XKR9: variants seen among roughly 807,000 people sequenced by gnomAD.
The protein encoded by XKR9 is XK related 9, also known as XK-related protein 9.
Under a neutral mutation model 32.0 loss-of-function variants are expected in XKR9, and 32 were observed. That is an observed-to-expected ratio of 1.00 (90% CI 0.76 to 1.34). The LOEUF is 1.34. Among genes scored for constraint, XKR9 ranks in the 40% most tolerant of loss-of-function variants. XKR9 has a pLI of 0.00. For missense variants in XKR9, 546 were observed against 429.7 expected (o/e 1.27, Z -2.39); for synonymous variants, 168 against 143.4 (o/e 1.17, Z -1.22).
At chr8:70,985,855 G>A in the XKR9 span, among the ~76,000 whole-genome samples, 331 of 152,022 alleles carry the variant, frequency 2.2e-3, 3 homozygotes, top group African/African-American at 7.8e-3. Context: ...AAAAATAATG[G>A]AAGTAATCTA....
chr8:71,034,231 C>G, the XKR9 span, among the ~76,000 whole-genome samples: 3 of 151,932 alleles, frequency 2.0e-5, no homozygotes, highest in Non-Finnish European at 2.9e-5. Context: ...TGGGGGTGGT[C>G]CCCCCATGCT....
At chr8:70,753,601 C>T (rs1393872979) in intron 2 of XKR9, among the ~76,000 whole-genome samples, 1 of 151,994 alleles carries the variant, frequency 6.6e-6, no homozygotes, top group African/African-American at 2.4e-5. Context: ...GGATGCAAGG[C>T]TGGTTCAATA....
chr8:70,695,122 G>GT (rs1287750856), intron 3 of XKR9, among the ~76,000 whole-genome samples: 6 of 97,864 alleles, frequency 6.1e-5, no homozygotes, highest in African/African-American at 2.0e-4. Flanking sequence ...GTCCTGCCTT[G>GT]TTTTTCTTTT....
At position 70,734,384 on chromosome 8, in the gene XKR9, T is replaced by C; in HGVS notation, c.1082T>C (p.Val361Ala). ...TGTGATGAAATTGATGGAAAACCAG[T>C]TCTAAGAGAATGTAGAATGAGATAT... Reference protein sequence around the residue: ...TKCDEIDGKPVLRECRMRYFL... With the variant: ...TKCDEIDGKPALRECRMRYFL... The change falls in exon 5 of 5, where the codon GTT (valine) becomes GCT (alanine). Residue 361 changes from valine (V) to alanine (A), a missense_variant. Coordinates refer to ENST00000408926, the MANE Select transcript of XKR9 (RefSeq NM_001011720.2). 6.2e-7 allele frequency: 1 copy of C among 1,605,432 alleles called. No homozygotes were observed.
At chr8:71,000,932 G>A in the XKR9 span, among the ~76,000 whole-genome samples, 1 of 152,218 alleles carries the variant, frequency 6.6e-6, no homozygotes, top group African/African-American at 2.4e-5. Flanking sequence ...ACAAGAGTTA[G>A]CATAGAAAGA....
chr8:70,916,436 C>G, the XKR9 span, among the ~76,000 whole-genome samples: 4 of 152,080 alleles, frequency 2.6e-5, no homozygotes, highest in African/African-American at 7.2e-5. Context: ...GGATCTGTTT[C>G]TCTCTTCTCT....
chr8:70,734,166 T>C lies in XKR9; in HGVS notation c.864T>C (p.Ser288=), dbSNP rs753599654. The C allele has an allele frequency of 6.2e-7, 1 of 1,613,176 alleles. No individual in the cohort carries two copies. Among genetic ancestry groups the C allele is most frequent in the South Asian group, 1.1e-5 (1 of 91,028 alleles). Reference sequence around the variant, plus strand: ...GACAGAATACCAAGTGTCCAATGTCTTGTTATTATATTGTTAGGGTACTGG... The same window carrying C: ...GACAGAATACCAAGTGTCCAATGTCCTGTTATTATATTGTTAGGGTACTGG... ...IKGQNTKCPM[S]CYYIVRVLGT... Residue 288 remains serine, a synonymous_variant, in exon 5 of 5, where the codon TCT becomes TCC. Transcript: ENST00000408926.
chr8:70,902,209 TG>T, the XKR9 span, among the ~76,000 whole-genome samples: 1 of 152,236 alleles, frequency 6.6e-6, no homozygotes, highest in African/African-American at 2.4e-5. Flanking sequence ...GGTATCTTGA[TG>T]GGGATGGCAT....
the XKR9 span, among the ~76,000 whole-genome samples, chr8:70,845,123 G>C: frequency 1.3e-5 from 2 of 152,160 alleles, no homozygotes; most frequent in African/African-American, 4.8e-5. Flanking sequence ...CCTCACCACA[G>C]CCTCTATTAA....
chr8:70,772,152 C>T (rs1479371554), intron 2 of XKR9, among the ~76,000 whole-genome samples: 1 of 152,084 alleles, frequency 6.6e-6, no homozygotes, highest in Non-Finnish European at 1.5e-5. Context: ...AATTAAAATG[C>T]ATTTTCTTTA....
At chr8:70,789,071 T>A (rs540384508) in intron 2 of XKR9, among the ~76,000 whole-genome samples, 1 of 152,178 alleles carries the variant, frequency 6.6e-6, no homozygotes, top group East Asian at 1.9e-4. Context: ...CTAATTTACA[T>A]CACCAGTGAT....
At chr8:70,798,377 C>T in the XKR9 span, among the ~76,000 whole-genome samples, 2 of 151,846 alleles carry the variant, frequency 1.3e-5, no homozygotes, top group Middle Eastern at 3.4e-3. Context: ...CTCTTCATGT[C>T]CTTGGCCCAT....
At chr8:70,867,440 A>G in the XKR9 span, among the ~76,000 whole-genome samples, 1 of 151,984 alleles carries the variant, frequency 6.6e-6, no homozygotes, top group Non-Finnish European at 1.5e-5. Context: ...AGTACCCCAA[A>G]GTCTTTTCTT....
At chr8:71,006,122 G>T in the XKR9 span, among the ~76,000 whole-genome samples, 7 of 152,146 alleles carry the variant, frequency 4.6e-5, no homozygotes, top group Non-Finnish European at 8.8e-5. Context: ...TAATATGAAG[G>T]CAGTACTGAG....
chr8:70,922,087 T>C, the XKR9 span, among the ~76,000 whole-genome samples: 1 of 152,142 alleles, frequency 6.6e-6, no homozygotes, highest in African/African-American at 2.4e-5. Flanking sequence ...AAAGATGTCA[T>C]GGAAACAAGA....
At chr8:70,777,584 G>C (rs560852997) in intron 2 of XKR9, among the ~76,000 whole-genome samples, 1 of 152,286 alleles carries the variant, frequency 6.6e-6, no homozygotes, top group African/African-American at 2.4e-5. Context: ...CAGTGTTAAA[G>C]CATTCCTATT....
chr8:70,840,559 T>G, the XKR9 span, among the ~76,000 whole-genome samples: 1 of 152,286 alleles, frequency 6.6e-6, no homozygotes, highest in Admixed American at 6.6e-5. Context: ...TTTTTCTATA[T>G]CTCCACTATG....
chr8:70,780,559 G>A (rs2130251089), intron 2 of XKR9, among the ~76,000 whole-genome samples: 1 of 152,156 alleles, frequency 6.6e-6, no homozygotes, highest in South Asian at 2.1e-4. Flanking sequence ...GGAAAGCGAA[G>A]GATTTCCAAA....
intron 4 of XKR9, among the ~76,000 whole-genome samples, chr8:70,724,225 C>G (rs1806382067): frequency 6.6e-6 from 1 of 152,140 alleles, no homozygotes; most frequent in Admixed American, 6.5e-5. Context: ...TGGCGCACGC[C>G]TCTCCCTGCA....
Sources: allele counts gnomAD v4.1 joint callset (sites outside exome capture counted in the v4.1 genomes callset), GRCh38; gene constraint gnomAD v4.1.1; transcripts MANE v1.5; gene names NCBI Gene and HGNC (gene_info 2026-07-23, HGNC 2026-07-21).